The following MAGI2 variants were observed in gnomAD, a reference collection of about 807,000 sequenced individuals.
MAGI2 encodes membrane associated guanylate kinase, WW and PDZ domain containing 2.
A neutral mutation model predicts 133.3 loss-of-function variants in MAGI2; 35 were observed. That is an observed-to-expected ratio of 0.26 (90% confidence interval 0.20 to 0.35). The LOEUF is 0.35. Among genes scored for constraint, MAGI2 ranks in the 10% least tolerant of loss-of-function variants. The probability of loss-of-function intolerance (pLI) is 1.00; values close to 1 mark genes in which losing one functional copy is unlikely to be tolerated. For synonymous variants in MAGI2, 729 were observed against 710.6 expected, an observed-to-expected ratio of 1.03 and a Z score of -0.41; for missense variants, 1,636 against 1,863.4, an observed-to-expected ratio of 0.88 and a Z score of 2.25.
intron 2 of MAGI2, among the ~76,000 whole-genome samples, chr7:78,928,969 TTATTAAATGC>T (rs1383796446): frequency 6.6e-6 from 1 of 152,032 alleles, no homozygotes; most frequent in Admixed American, 6.6e-5. Flanking sequence ...GCCCTATAAA[TTATTAAATGC>T]TAATAGTTTT....
intron 8 of MAGI2, among the ~76,000 whole-genome samples, chr7:78,344,258 G>C (rs2151187085): frequency 6.6e-6 from 1 of 152,264 alleles, no homozygotes; most frequent in African/African-American, 2.4e-5. Context: ...AAAAGGCTGT[G>C]TCAACAGGCT....
intron 6 of MAGI2, among the ~76,000 whole-genome samples, chr7:78,395,289 T>C (rs1796241276): frequency 6.6e-6 from 1 of 151,906 alleles, no homozygotes; most frequent in African/African-American, 2.4e-5. Flanking sequence ...ACTGGAAAAA[T>C]ATCCTAAAAT....
At chr7:79,235,329 G>C (rs543060121) in intron 1 of MAGI2, among the ~76,000 whole-genome samples, 28 of 152,244 alleles carry the variant, frequency 1.8e-4, no homozygotes, top group Non-Finnish European at 3.1e-4. Context: ...CACCCAGTTC[G>C]AGCTTCCCGG....
intron 3 of MAGI2, among the ~76,000 whole-genome samples, chr7:78,578,198 T>TA (rs1225277741): frequency 3.3e-5 from 5 of 152,094 alleles, no homozygotes; most frequent in East Asian, 1.9e-4. Context: ...TATTTAAGAA[T>TA]AAAAAACCTC....
intron 1 of MAGI2, among the ~76,000 whole-genome samples, chr7:79,157,733 T>G (rs4730678): frequency 0.73 from 111,106 of 151,802 alleles, 42,092 homozygotes; most frequent in Non-Finnish European, 0.84. Flanking sequence ...GAGCCCTAAG[T>G]TTGACTTGCC....
intron 1 of MAGI2, among the ~76,000 whole-genome samples, chr7:79,209,584 T>A (rs1188378394): frequency 6.6e-6 from 1 of 151,998 alleles, no homozygotes; most frequent in African/African-American, 2.4e-5. Context: ...AGTTTGTTAC[T>A]TCCTCTGCCC....
chr7:78,180,286 G>C (rs188524541), intron 13 of MAGI2, among the ~76,000 whole-genome samples: 85 of 152,236 alleles, frequency 5.6e-4, no homozygotes, highest in African/African-American at 2.0e-3. Flanking sequence ...AGTGACTTCA[G>C]CACCCATCCA....
chr7:78,948,966 C>G (rs763429192), intron 2 of MAGI2, among the ~76,000 whole-genome samples: 1 of 151,788 alleles, frequency 6.6e-6, no homozygotes, highest in Non-Finnish European at 1.5e-5. Flanking sequence ...AAGTTTCAGT[C>G]AAAAGTTTTA....
intron 20 of MAGI2, among the ~76,000 whole-genome samples, chr7:78,079,810 A>C (rs1039980681): frequency 3.3e-5 from 5 of 152,346 alleles, no homozygotes; most frequent in Admixed American, 2.6e-4. Context: ...GGGTTCCATA[A>C]GCAATTCCCT....
intron 12 of MAGI2, among the ~76,000 whole-genome samples, chr7:78,189,138 C>T (rs549625506): frequency 3.9e-5 from 6 of 152,124 alleles, no homozygotes; most frequent in Non-Finnish European, 5.9e-5. Flanking sequence ...AGAAATACAA[C>T]CACCCGTTTG....
At chr7:79,089,038 TTCCAATCTA>T (rs1461155539) in intron 1 of MAGI2, among the ~76,000 whole-genome samples, 2 of 152,054 alleles carry the variant, frequency 1.3e-5, no homozygotes, top group Middle Eastern at 3.2e-3. Flanking sequence ...GAAAAAAATT[TTCCAATCTA>T]TCCATCTGAC....
At chr7:79,111,583 A>G (rs1243760416) in intron 1 of MAGI2, among the ~76,000 whole-genome samples, 1 of 152,226 alleles carries the variant, frequency 6.6e-6, no homozygotes, top group Non-Finnish European at 1.5e-5. Context: ...AATATAAGCA[A>G]GCATTTTACA....
intron 2 of MAGI2, among the ~76,000 whole-genome samples, chr7:78,751,836 G>A (rs1056939210): frequency 6.6e-6 from 1 of 152,176 alleles, no homozygotes; most frequent in African/African-American, 2.4e-5. Flanking sequence ...TTTTGCCACA[G>A]GGCAGACACA....
intron 2 of MAGI2, among the ~76,000 whole-genome samples, chr7:78,804,583 C>G (rs1410073139): frequency 1.3e-5 from 2 of 150,348 alleles, no homozygotes; most frequent in African/African-American, 4.9e-5. Context: ...CCCGTCTCTA[C>G]TAAAAATACA....
At chr7:78,970,442 T>C (rs1469587986) in intron 2 of MAGI2, among the ~76,000 whole-genome samples, 1 of 152,044 alleles carries the variant, frequency 6.6e-6, no homozygotes, top group Non-Finnish European at 1.5e-5. Flanking sequence ...ATATTTTGAA[T>C]TAAAATAACT....
intron 2 of MAGI2, among the ~76,000 whole-genome samples, chr7:78,919,638 C>T (rs1032802217): frequency 6.6e-6 from 1 of 151,970 alleles, no homozygotes; most frequent in Non-Finnish European, 1.5e-5. Context: ...ACTTGTAGAA[C>T]ATTTTAATAT....
At chr7:78,085,583 A>ACACACAC (rs59163698) in intron 20 of MAGI2, among the ~76,000 whole-genome samples, 126 of 105,294 alleles carry the variant, frequency 1.2e-3, no homozygotes, top group East Asian at 4.7e-3. Flanking sequence ...CACACACACA[A>ACACACAC]ACAAAACAAA....
rs112005826 is a variant in MAGI2 at position 78,354,733 on chromosome 7, G to A, written c.1104-8690C>T. Among the ~76,000 whole-genome samples the A allele has an allele frequency of 1.4e-4, 21 of 152,284 alleles. 1 individual carries two copies. Among genetic ancestry groups the A allele is most frequent in the African/African-American group, 5.1e-4 (21 of 41,566 alleles). On this transcript the variant is annotated intron_variant, in intron 7 of 21. Coordinates refer to ENST00000354212, the MANE Select transcript of MAGI2 (RefSeq NM_012301.4). ...ATATAGCAATTCCTTTTATATGCTAGAATGGGATGCAAGAGGGATTAGAAA... is the reference window on the plus strand; with the variant it reads ...ATATAGCAATTCCTTTTATATGCTAAAATGGGATGCAAGAGGGATTAGAAA...
chr7:78,229,588 T>C (rs1244736234), intron 10 of MAGI2, among the ~76,000 whole-genome samples: 3 of 152,208 alleles, frequency 2.0e-5, no homozygotes, highest in Non-Finnish European at 4.4e-5. Context: ...AGACAGCCCG[T>C]GGTCCTGCAA....
Sources: gnomAD v4.1 joint callset for allele counts (sites outside exome capture counted in the v4.1 genomes callset) on GRCh38, gnomAD v4.1.1 for gene constraint, MANE v1.5 for transcripts, NCBI Gene and HGNC (gene_info 2026-07-23, HGNC 2026-07-21) for gene names.